Variants in TMEM132C observed in about 807,000 individuals in gnomAD.
TMEM132C encodes the protein transmembrane protein 132C, also known as protein phosphatase 1, regulatory subunit 152.
TMEM132C carries 29 observed loss-of-function variants against 61.4 expected under a neutral mutation model. The observed-to-expected ratio is 0.47, with a 90% CI of 0.35 to 0.64. The LOEUF (loss-of-function observed/expected upper bound fraction) is 0.64, where lower values mean the gene tolerates loss of function less well. Ranked by LOEUF, TMEM132C falls within the 30% of genes least tolerant of loss-of-function variation. The pLI is 0.00. For synonymous variants in TMEM132C, 656 were observed against 633.1 expected (o/e 1.04, Z -0.54); for missense variants, 1,408 against 1,476.9 (o/e 0.95, Z 0.76).
At chr12:128,355,258 C>A (rs1873467012) in intron 1 of TMEM132C, among the ~76,000 whole-genome samples, 1 of 152,100 alleles carries the variant, frequency 6.6e-6, no homozygotes, top group South Asian at 2.1e-4. Context: ...GGTCCCAGAC[C>A]ATGGAGGGAT....
intron 2 of TMEM132C, among the ~76,000 whole-genome samples, chr12:128,450,076 G>A (rs1379815586): frequency 2.0e-5 from 3 of 152,212 alleles, no homozygotes; most frequent in African/African-American, 7.2e-5. Flanking sequence ...TTCTGGAGCA[G>A]AGCTAGCCAG....
intron 2 of TMEM132C, among the ~76,000 whole-genome samples, chr12:128,466,232 A>G (rs1237739552): frequency 6.6e-6 from 1 of 152,144 alleles, no homozygotes; most frequent in African/African-American, 2.4e-5. Flanking sequence ...TCCCTCTGGG[A>G]GCTGCAGACC....
chr12:128,547,248 G>A (rs1050650391), intron 3 of TMEM132C, among the ~76,000 whole-genome samples: 1 of 152,160 alleles, frequency 6.6e-6, no homozygotes, highest in African/African-American at 2.4e-5. Context: ...GCCCCACCAA[G>A]GCCATGACTG....
intron 3 of TMEM132C, among the ~76,000 whole-genome samples, chr12:128,592,915 C>T (rs1468167057): frequency 6.6e-6 from 1 of 152,236 alleles, no homozygotes; most frequent in African/African-American, 2.4e-5. Context: ...GCCAGCCTGG[C>T]TCTGCAGTGG....
At chr12:128,666,757 C>CT (rs745867081) in intron 4 of TMEM132C, among the ~76,000 whole-genome samples, 4 of 152,162 alleles carry the variant, frequency 2.6e-5, no homozygotes, top group Non-Finnish European at 5.9e-5. Context: ...CCAAAGTTTC[C>CT]TTTTATCATT....
rs1248211122 is a variant in TMEM132C at position 128,706,245 on chromosome 12, G to C, written c.3277G>C (p.Ala1093Pro). The C allele has an allele frequency of 6.4e-7, 1 of 1,550,958 alleles. No individual in the cohort carries two copies. The highest frequency in any genetic ancestry group is 8.7e-7 in the Non-Finnish European group (1 of 1,146,682). Residue 1093 changes from alanine to proline, a missense_variant, in exon 9 of 9, where the codon GCC becomes CCC. Coordinates refer to ENST00000435159, the MANE Select transcript of TMEM132C (RefSeq NM_001136103.3). ...KWVCQDVAVG[A>P]PKELRNYLEK... ...GGTGTGTCAAGACGTGGCTGTGGGTGCCCCCAAGGAACTTAGAAACTATCT... is the reference window on the plus strand; with the variant it reads ...GGTGTGTCAAGACGTGGCTGTGGGTCCCCCCAAGGAACTTAGAAACTATCT...
intron 1 of TMEM132C, among the ~76,000 whole-genome samples, chr12:128,339,270 C>CT (rs539948113): frequency 4.1e-4 from 61 of 147,984 alleles, no homozygotes; most frequent in Admixed American, 1.2e-3. Flanking sequence ...TTACAGAGGG[C>CT]TTTTTTTTTT....
chr12:128,591,399 C>T (rs1875744603), intron 3 of TMEM132C, among the ~76,000 whole-genome samples: 1 of 152,128 alleles, frequency 6.6e-6, no homozygotes, highest in African/African-American at 2.4e-5. Flanking sequence ...TTCCACTCAG[C>T]GTCATGGTCT....
rs554919649 is a variant in TMEM132C, at chr12:128,695,312, G to A, written c.1656-518G>A. 9.8e-5 allele frequency among the ~76,000 whole-genome samples: 15 copies of A among 152,302 alleles called. 2 individuals are homozygous for A. Among genetic ancestry groups the A allele is most frequent in the African/African-American group, 3.4e-4 (14 of 41,572 alleles). The stretch of plus-strand genomic sequence containing the variant: ...AGGTGGGAGAATCACTTGAGGCCAT[G>A]AGTTCAAGACCAGCCTGGGCAACAT... On this transcript the variant is annotated intron_variant, in intron 6 of 8. Transcript: ENST00000435159.
intron 2 of TMEM132C, among the ~76,000 whole-genome samples, chr12:128,429,173 G>T (rs541469366): frequency 6.6e-6 from 1 of 152,224 alleles, no homozygotes; most frequent in South Asian, 2.1e-4. Flanking sequence ...GGAGATATCT[G>T]CAATGTCTGG....
chr12:128,644,006 A>T (rs1954177463), intron 4 of TMEM132C, among the ~76,000 whole-genome samples: 1 of 152,210 alleles, frequency 6.6e-6, no homozygotes, highest in Admixed American at 6.5e-5. Flanking sequence ...AAAATGGTCA[A>T]TATCATTAGT....
chr12:128,283,600 T>C (rs1870968126), intron 1 of TMEM132C, among the ~76,000 whole-genome samples: 1 of 152,166 alleles, frequency 6.6e-6, no homozygotes. Flanking sequence ...GTTCTCTGTC[T>C]ACTGTTCTGT....
At chr12:128,276,475 A>T (rs976423288) in intron 1 of TMEM132C, among the ~76,000 whole-genome samples, 1 of 152,214 alleles carries the variant, frequency 6.6e-6, no homozygotes, top group Non-Finnish European at 1.5e-5. Context: ...TGACCACTTC[A>T]TGCTTAACTA....
Position 128,299,530 on chromosome 12 carries a change from C to G in TMEM132C, c.85+32043C>G, listed in dbSNP as rs562416916. ...AGAGGACCCAGATGAGAACCAGAGA[C>G]AAGCGAGACAGTAACACACAGAGTA... On this transcript the variant is annotated intron_variant, in intron 1 of 8. Transcript: ENST00000435159. Among the ~76,000 whole-genome samples the G allele has an allele frequency of 4.1e-4, 62 of 152,306 alleles. 1 individual carries two copies. Among genetic ancestry groups the G allele is most frequent in the African/African-American group, 1.4e-3 (58 of 41,568 alleles).
intron 2 of TMEM132C, among the ~76,000 whole-genome samples, chr12:128,490,449 A>G (rs1871678457): frequency 6.6e-6 from 1 of 152,124 alleles, no homozygotes; most frequent in Admixed American, 6.5e-5. Flanking sequence ...CTGGCAGTGT[A>G]TTTAGAGGAA....
At chr12:128,320,066 A>G (rs1757491187) in intron 1 of TMEM132C, among the ~76,000 whole-genome samples, 2 of 152,212 alleles carry the variant, frequency 1.3e-5, no homozygotes, top group Admixed American at 6.5e-5. Flanking sequence ...CCTATAGTCC[A>G]ATAAGGCACA....
rs187058079 is a variant in TMEM132C at position 128,313,677 on chromosome 12, C to T, written c.85+46190C>T. On this transcript the variant is annotated intron_variant, in intron 1 of 8. Coordinates refer to ENST00000435159, the MANE Select transcript of TMEM132C (RefSeq NM_001136103.3). The stretch of plus-strand genomic sequence containing the variant: ...AGGATCTAGCCCCTGGGATGGTGGA[C>T]GGGGCCAGCAGAGGAGCATAAATAA... Among the ~76,000 whole-genome samples the T allele has an allele frequency of 3.8e-3, 575 of 152,212 alleles. 3 individuals carry two copies. Among genetic ancestry groups the T allele is most frequent in the African/African-American group, 0.013 (543 of 41,516 alleles).
At chr12:128,573,363 A>G (rs1874966706) in intron 3 of TMEM132C, among the ~76,000 whole-genome samples, 1 of 152,118 alleles carries the variant, frequency 6.6e-6, no homozygotes, top group Non-Finnish European at 1.5e-5. Context: ...CAGAAAACCA[A>G]ACACTGCATG....
intron 1 of TMEM132C, among the ~76,000 whole-genome samples, chr12:128,340,793 C>CTCTCTTTCTT (rs1555218689): frequency 7.7e-6 from 1 of 129,620 alleles, no homozygotes; most frequent in African/African-American, 4.0e-5. Context: ...CTCTCTCTCT[C>CTCTCTTTCTT]TCTCTCTTTC....
Sources: gnomAD v4.1 joint callset for allele counts (sites outside exome capture counted in the v4.1 genomes callset) on GRCh38, gnomAD v4.1.1 for gene constraint, MANE v1.5 for transcripts, NCBI Gene and HGNC (gene_info 2026-07-23, HGNC 2026-07-21) for gene names.